Variants in PDE4D observed in about 807,000 individuals in gnomAD.
The protein encoded by PDE4D is 3',5'-cyclic-AMP phosphodiesterase 4D.
A neutral mutation model predicts 87.4 loss-of-function variants in PDE4D; 24 were observed. The ratio of observed to expected loss-of-function variants is 0.27; its 90% CI spans 0.20 to 0.39. The LOEUF is 0.39. Ranked by LOEUF, PDE4D falls within the 10% of genes least tolerant of loss-of-function variation. The pLI is 1.00. For missense variants in PDE4D, 714 were observed against 1,041.0 expected (o/e 0.69, Z 4.32); for synonymous variants, 384 against 383.2 (o/e 1.00, Z -0.02).
intron 5 of PDE4D, among the ~76,000 whole-genome samples, chr5:59,129,157 T>C (rs1162792459): frequency 6.6e-6 from 1 of 152,246 alleles, no homozygotes; most frequent in Non-Finnish European, 1.5e-5. Flanking sequence ...TTAGATGAAT[T>C]ATAATGAGTT....
chr5:59,053,654 TGTTG>T lies in PDE4D; in HGVS notation c.809-14687_809-14684del, dbSNP rs1297922284. Among the ~76,000 whole-genome samples, 601 of 78,072 alleles carry T rather than the reference TGTTG, an allele frequency of 7.7e-3. 13 individuals are homozygous for T. Among genetic ancestry groups the T allele is most frequent in the Non-Finnish European group, 9.0e-3 (348 of 38,486 alleles). The allele number at this position is 78,072 out of a possible 152,430, so 51.2% of individuals were successfully genotyped here. A position where few individuals can be genotyped will look rare whatever the true frequency, so the allele number is the denominator to read the frequency against. On this transcript the variant is annotated intron_variant, in intron 5 of 14. Coordinates refer to ENST00000340635, the MANE Select transcript of PDE4D (RefSeq NM_001104631.2). Reference sequence around the variant, plus strand: ...AGTTGTTTTGTTTTTTGTTTTTTTTTGTTGTTGTTTTTTTTTTTTGGCCAGGCAC... The same window carrying T: ...AGTTGTTTTGTTTTTTGTTTTTTTTTTTGTTTTTTTTTTTTGGCCAGGCAC...
At chr5:60,282,194 A>C (rs1030829800) in intron 1 of PDE4D, among the ~76,000 whole-genome samples, 38 of 128,306 alleles carry the variant, frequency 3.0e-4, no homozygotes, top group Non-Finnish European at 3.4e-4. Context: ...TTTAAAGAAC[A>C]AGAGAGAAAT....
chr5:59,066,552 G>A (rs1763967656), intron 5 of PDE4D, among the ~76,000 whole-genome samples: 1 of 152,108 alleles, frequency 6.6e-6, no homozygotes, highest in Non-Finnish European at 1.5e-5. Context: ...TATGAGAGAT[G>A]GATGACTAGC....
chr5:59,104,032 G>A (rs901912539), intron 5 of PDE4D, among the ~76,000 whole-genome samples: 3 of 149,710 alleles, frequency 2.0e-5, no homozygotes, highest in African/African-American at 7.3e-5. Flanking sequence ...GATAATATAT[G>A]TTCGAGACTA....
At chr5:59,277,358 G>C (rs916989088) in intron 1 of PDE4D, among the ~76,000 whole-genome samples, 1 of 152,016 alleles carries the variant, frequency 6.6e-6, no homozygotes, top group Non-Finnish European at 1.5e-5. Flanking sequence ...GACTGCCAGG[G>C]GACATTCACA....
chr5:59,456,387 T>A (rs1799931126), intron 1 of PDE4D, among the ~76,000 whole-genome samples: 1 of 152,192 alleles, frequency 6.6e-6, no homozygotes, highest in South Asian at 2.1e-4. Flanking sequence ...GCCATCCATG[T>A]AAGATGTGAC....
chr5:60,147,088 A>C (rs936560377), intron 2 of PDE4D, among the ~76,000 whole-genome samples: 15 of 152,210 alleles, frequency 9.9e-5, no homozygotes, highest in African/African-American at 3.6e-4. Flanking sequence ...CAGCAAAACT[A>C]ACAGCTGTAA....
chr5:59,804,137 G>A (rs998760946), intron 1 of PDE4D, among the ~76,000 whole-genome samples: 2 of 152,100 alleles, frequency 1.3e-5, no homozygotes, highest in Non-Finnish European at 2.9e-5. Flanking sequence ...CCGGAGCAGT[G>A]TACACTGTAC....
At position 58,992,013 on chromosome 5, in the gene PDE4D, A is replaced by G; in HGVS notation, c.1016-9T>C. 1.3e-6 allele frequency: 2 copies of G among 1,506,796 alleles called. 1 individual carries two copies. The highest frequency in any genetic ancestry group is 2.6e-5 in the South Asian group (2 of 76,614). The allele number at this position is 1,506,796 out of a possible 1,614,324, so 93.3% of individuals were successfully genotyped here. A position where few individuals can be genotyped will look rare whatever the true frequency, so the allele number is the denominator to read the frequency against. ...CACTTCATGTTGCTTATCTTGAGAAATTTAGAAAATGTTCTATATTTATTA... is the reference window on the plus strand; with the variant it reads ...CACTTCATGTTGCTTATCTTGAGAAGTTTAGAAAATGTTCTATATTTATTA... On this transcript the variant is annotated splice_polypyrimidine_tract_variant and intron_variant, in intron 7 of 14. Transcript: ENST00000340635.
chr5:59,075,813 AT>A (rs1414814824), intron 5 of PDE4D, among the ~76,000 whole-genome samples: 9 of 152,120 alleles, frequency 5.9e-5, no homozygotes, highest in Non-Finnish European at 1.3e-4. Context: ...TAACTTACTT[AT>A]TAATTTTATC....
At chr5:60,053,471 G>C (rs1042934721) in intron 2 of PDE4D, among the ~76,000 whole-genome samples, 1 of 152,100 alleles carries the variant, frequency 6.6e-6, no homozygotes, top group African/African-American at 2.4e-5. Context: ...ATGGTGTTGG[G>C]GAAACTGGCT....
Position 59,039,332 on chromosome 5 carries a change from G to T in PDE4D, c.809-361C>A. On this transcript the variant is annotated intron_variant, in intron 5 of 14. Coordinates refer to ENST00000340635, the MANE Select transcript of PDE4D (RefSeq NM_001104631.2). ...CCCAGTCCAGGAGCCCGGCTCTAGCGGATGGCGAGGGGGTGGCGAGCGCGC... is the reference window on the plus strand; with the variant it reads ...CCCAGTCCAGGAGCCCGGCTCTAGCTGATGGCGAGGGGGTGGCGAGCGCGC... 3 of 1,038,476 alleles carry T rather than the reference G, an allele frequency of 2.9e-6. No homozygotes were observed. In the South Asian group the frequency reaches 9.8e-5, roughly 34 times the overall value. The allele number at this position is 1,038,476 out of a possible 1,614,324, so 64.3% of individuals were successfully genotyped here. A position where few individuals can be genotyped will look rare whatever the true frequency, so the allele number is the denominator to read the frequency against.
At chr5:59,281,973 T>C (rs779991119) in intron 1 of PDE4D, among the ~76,000 whole-genome samples, 8 of 152,188 alleles carry the variant, frequency 5.3e-5, no homozygotes, top group Non-Finnish European at 1.2e-4. Flanking sequence ...TCTTTCAAAG[T>C]ATTCACTTGA....
At chr5:59,127,605 A>G (rs963793390) in intron 5 of PDE4D, among the ~76,000 whole-genome samples, 1 of 34,420 alleles carries the variant, frequency 2.9e-5, no homozygotes, top group African/African-American at 9.6e-5. Context: ...TTCCCTCCCC[A>G]CCCCCCCACC....
At chr5:59,288,457 A>C (rs532399000) in intron 1 of PDE4D, among the ~76,000 whole-genome samples, 118 of 152,166 alleles carry the variant, frequency 7.8e-4, no homozygotes, top group African/African-American at 2.7e-3. Context: ...AGACTTAGAA[A>C]ATAGTCTCAA....
intron 2 of PDE4D, among the ~76,000 whole-genome samples, chr5:59,201,534 C>G (rs925849093): frequency 6.6e-6 from 1 of 152,002 alleles, no homozygotes; most frequent in Non-Finnish European, 1.5e-5. Flanking sequence ...TTTATAAACT[C>G]TAAGTAATCT....
chr5:59,119,332 G>A (rs912712255), intron 5 of PDE4D, among the ~76,000 whole-genome samples: 1 of 152,086 alleles, frequency 6.6e-6, no homozygotes, highest in African/African-American at 2.4e-5. Flanking sequence ...AGAGAGAAGA[G>A]GAAATTTATG....
intron 3 of PDE4D, among the ~76,000 whole-genome samples, chr5:59,931,694 C>CTTTTTTTTTTTTTTTT (rs35943138): frequency 8.7e-5 from 11 of 126,596 alleles, no homozygotes; most frequent in East Asian, 2.3e-4. Context: ...TCTTCTTCTT[C>CTTTTTTTTTTTTTTTT]TTTTTTTTTT....
intron 5 of PDE4D, among the ~76,000 whole-genome samples, chr5:59,146,672 T>C (rs1470489688): frequency 6.6e-6 from 1 of 152,188 alleles, no homozygotes; most frequent in African/African-American, 2.4e-5. Context: ...TCTGATTCTG[T>C]TGAGCAGTGC....
Sources: gnomAD v4.1 joint callset for allele counts (sites outside exome capture counted in the v4.1 genomes callset) on GRCh38, gnomAD v4.1.1 for gene constraint, MANE v1.5 for transcripts, NCBI Gene and HGNC (gene_info 2026-07-23, HGNC 2026-07-21) for gene names.